Variants in FAM200B observed in about 807,000 individuals in gnomAD.
The protein encoded by FAM200B is protein FAM200B.
In FAM200B, 32 loss-of-function variants were observed where a neutral mutation model predicts 33.1. The observed-to-expected ratio is 0.97, with a 90% CI of 0.73 to 1.30. The LOEUF (loss-of-function observed/expected upper bound fraction) is 1.30, where lower values mean the gene tolerates loss of function less well. Among genes scored for constraint, FAM200B ranks in the 50% most tolerant of loss-of-function variants. The pLI is 0.00. For missense variants in FAM200B, 741 were observed against 754.0 expected (o/e 0.98, Z 0.20); for synonymous variants, 240 against 264.8 (o/e 0.91, Z 0.91).
At chr4:15,648,132 T>C in the FAM200B span, among the ~76,000 whole-genome samples, 6 of 152,308 alleles carry the variant, frequency 3.9e-5, no homozygotes, top group South Asian at 2.1e-4. Context: ...GCTGAGATTA[T>C]AGGCACAAGC....
At chr4:15,675,404 C>T in the FAM200B span, among the ~76,000 whole-genome samples, 2 of 152,014 alleles carry the variant, frequency 1.3e-5, no homozygotes, top group Non-Finnish European at 2.9e-5. Flanking sequence ...GATTTTCTTG[C>T]ATTGTTCCTA....
chr4:15,662,396 G>A, the FAM200B span, among the ~76,000 whole-genome samples: 3,315 of 152,264 alleles, frequency 0.022, 126 homozygotes, highest in African/African-American at 0.075. Flanking sequence ...CTATGAAAAA[G>A]AGTAAAATAT....
chr4:15,688,020 A>C lies in FAM200B; in HGVS notation c.1043A>C (p.Asn348Thr). The C allele has an allele frequency of 6.4e-7, 1 of 1,551,100 alleles. No homozygotes were observed. Among genetic ancestry groups the C allele is most frequent in the Non-Finnish European group, 8.7e-7 (1 of 1,146,552 alleles). ...CAGAATCTCATGGAGGTATTGAAAA[A>C]TGCAGTGAAAGTTGTTAATTTTATT... ...IPQNLMEVLK[N>T]AVKVVNFIKG... is the part of the protein sequence containing the mutation. Residue 348 changes from asparagine (N) to threonine (T), a missense_variant, in exon 2 of 2, where the codon AAT becomes ACT. Transcript: ENST00000422728.
chr4:15,656,318 C>T, the FAM200B span: 17 of 456,100 alleles, frequency 3.7e-5, no homozygotes, highest in Non-Finnish European at 6.6e-5. Flanking sequence ...GCCGGTCAGT[C>T]TTAGATTGGT....
chr4:15,666,782 A>G, the FAM200B span, among the ~76,000 whole-genome samples: 1 of 151,052 alleles, frequency 6.6e-6, no homozygotes, highest in African/African-American at 2.4e-5. Flanking sequence ...GATCCCAACA[A>G]TGCACTCCAG....
At chr4:15,645,989 G>A in the FAM200B span, among the ~76,000 whole-genome samples, 2 of 152,096 alleles carry the variant, frequency 1.3e-5, no homozygotes, top group Non-Finnish European at 2.9e-5. Flanking sequence ...TTCCATTTCA[G>A]TGAAGGTAAA....
chr4:15,669,308 G>A, the FAM200B span, among the ~76,000 whole-genome samples: 8 of 152,102 alleles, frequency 5.3e-5, no homozygotes, highest in Non-Finnish European at 8.8e-5. Flanking sequence ...CAAAGGTTAA[G>A]TATTTCTGTA....
At chr4:15,647,222 C>CAAAAAAAAAA in the FAM200B span, among the ~76,000 whole-genome samples, 29 of 36,428 alleles carry the variant, frequency 8.0e-4, no homozygotes, top group African/African-American at 1.7e-3. Context: ...GACTCCATCT[C>CAAAAAAAAAA]AAAAAAAAAA....
At chr4:15,647,629 T>C in the FAM200B span, among the ~76,000 whole-genome samples, 1 of 152,252 alleles carries the variant, frequency 6.6e-6, no homozygotes, top group Non-Finnish European at 1.5e-5. Flanking sequence ...ATTAGTTTCA[T>C]GCCACAAACT....
the FAM200B span, among the ~76,000 whole-genome samples, chr4:15,663,096 A>C: frequency 6.6e-6 from 1 of 152,196 alleles, no homozygotes. Context: ...GAAGAATTAC[A>C]AGTTTACATA....
chr4:15,677,319 C>G (rs879611585), upstream of FAM200B, among the ~76,000 whole-genome samples: 7 of 152,122 alleles, frequency 4.6e-5, no homozygotes, highest in African/African-American at 1.4e-4. Context: ...GCTCCTAAAA[C>G]CCTTGGAATT....
intron 1 of FAM200B, among the ~76,000 whole-genome samples, chr4:15,685,305 C>G (rs1288182647): frequency 2.0e-5 from 3 of 152,132 alleles, no homozygotes; most frequent in African/African-American, 7.2e-5. Flanking sequence ...TACCTAGAAG[C>G]AGCAGGGTCA....
the FAM200B span, among the ~76,000 whole-genome samples, chr4:15,657,337 A>AT: frequency 3.3e-5 from 5 of 152,208 alleles, no homozygotes; most frequent in Admixed American, 2.0e-4. Context: ...TTCAGTAAAT[A>AT]TGTTGGAAAA....
chr4:15,645,278 A>G, the FAM200B span, among the ~76,000 whole-genome samples: 2 of 152,176 alleles, frequency 1.3e-5, no homozygotes, highest in African/African-American at 2.4e-5. Context: ...TATTCCTACT[A>G]TACATAACAG....
chr4:15,647,222 CAAA>C, the FAM200B span, among the ~76,000 whole-genome samples: 1 of 36,520 alleles, frequency 2.7e-5, no homozygotes, highest in African/African-American at 1.1e-4. Context: ...GACTCCATCT[CAAA>C]AAAAAAAAAA....
At chr4:15,675,491 A>AC in the FAM200B span, among the ~76,000 whole-genome samples, 1 of 151,766 alleles carries the variant, frequency 6.6e-6, no homozygotes, top group Non-Finnish European at 1.5e-5. Context: ...AGTCTTAGCT[A>AC]CCACACAGGC....
intron 1 of FAM200B, among the ~76,000 whole-genome samples, chr4:15,683,951 A>C (rs1190708416): frequency 6.6e-6 from 1 of 152,252 alleles, no homozygotes; most frequent in Non-Finnish European, 1.5e-5. Context: ...TTATTAGTGG[A>C]AAATCACTTA....
the FAM200B span, among the ~76,000 whole-genome samples, chr4:15,640,013 A>G: frequency 1.3e-5 from 2 of 152,150 alleles, no homozygotes; most frequent in African/African-American, 4.8e-5. Context: ...ACCCTAATAC[A>G]TGTACAGTAG....
Position 15,689,124 on chromosome 4 carries a change from T to G in FAM200B, c.*173T>G. ...GAACAAAAATTTAATGAATTTCTGT[T>G]AGAGGCCAGGAACTATTCTAGAGAC... is the stretch of plus-strand genomic sequence containing the variant. On this transcript the variant is annotated 3_prime_UTR_variant, in exon 2 of 2. Transcript: ENST00000422728. 1 of 491,288 alleles carries G rather than the reference T, an allele frequency of 2.0e-6. No homozygotes were observed. Among genetic ancestry groups the G allele is most frequent in the Non-Finnish European group, 3.4e-6 (1 of 294,650 alleles). The allele number at this position is 491,288 out of a possible 1,614,324, so 30.4% of individuals were successfully genotyped here.
Sources: gnomAD v4.1 joint callset for allele counts (sites outside exome capture counted in the v4.1 genomes callset) on GRCh38, gnomAD v4.1.1 for gene constraint, MANE v1.5 for transcripts, NCBI Gene and HGNC (gene_info 2026-07-23, HGNC 2026-07-21) for gene names.